SYT1: variants seen among roughly 807,000 people sequenced by gnomAD.
The protein encoded by SYT1 is synaptotagmin-1.
Under a neutral mutation model 44.8 loss-of-function variants are expected in SYT1, and 8 were observed. That is an observed-to-expected ratio of 0.18 (90% CI 0.10 to 0.32). The LOEUF is 0.32. Among genes scored for constraint, SYT1 ranks in the 10% least tolerant of loss-of-function variants. The pLI is 1.00. For missense variants in SYT1, 286 were observed against 509.3 expected (o/e 0.56, Z 4.22); for synonymous variants, 154 against 188.8 (o/e 0.82, Z 1.51).
intron 1 of SYT1, among the ~76,000 whole-genome samples, chr12:78,957,135 A>G: frequency 6.6e-6 from 1 of 152,248 alleles, no homozygotes; most frequent in African/African-American, 2.4e-5. Context: ...ATCAATTGTC[A>G]ATTTACCGGA....
chr12:79,446,994 C>T (rs1406368223), intron 10 of SYT1, among the ~76,000 whole-genome samples: 3 of 152,048 alleles, frequency 2.0e-5, no homozygotes, highest in African/African-American at 7.2e-5. Flanking sequence ...AATAAATATC[C>T]TTTTCAACTA....
chr12:79,297,986 A>T (rs1467443651), intron 7 of SYT1, among the ~76,000 whole-genome samples: 1 of 152,106 alleles, frequency 6.6e-6, no homozygotes, highest in African/African-American at 2.4e-5. Context: ...TTCATCCCTA[A>T]AATAGCCCCA....
intron 1 of SYT1, among the ~76,000 whole-genome samples, chr12:78,971,163 C>T (rs1412239511): frequency 6.6e-6 from 1 of 152,124 alleles, no homozygotes; most frequent in Non-Finnish European, 1.5e-5. Flanking sequence ...GACTATGTCA[C>T]TGTTCAATAG....
At chr12:79,444,672 C>G (rs1454215305) in intron 10 of SYT1, among the ~76,000 whole-genome samples, 1 of 151,968 alleles carries the variant, frequency 6.6e-6, no homozygotes, top group Non-Finnish European at 1.5e-5. Flanking sequence ...AAAAATTAGG[C>G]TAAGTTGTGT....
chr12:79,346,247 C>T (rs1384130415), intron 8 of SYT1, among the ~76,000 whole-genome samples: 1 of 152,096 alleles, frequency 6.6e-6, no homozygotes, highest in Non-Finnish European at 1.5e-5. Context: ...ATCTATAATG[C>T]TTTTCAAAAA....
At chr12:79,125,224 T>C (rs1868364527) in intron 3 of SYT1, among the ~76,000 whole-genome samples, 1 of 152,162 alleles carries the variant, frequency 6.6e-6, no homozygotes, top group South Asian at 2.1e-4. Context: ...TTAAAAACTG[T>C]GCAAATGGAA....
intron 3 of SYT1, among the ~76,000 whole-genome samples, chr12:79,158,666 G>A (rs1421806816): frequency 6.6e-6 from 1 of 152,136 alleles, no homozygotes; most frequent in African/African-American, 2.4e-5. Flanking sequence ...AGGAGGCTGA[G>A]TCAGGTGGAT....
intron 3 of SYT1, among the ~76,000 whole-genome samples, chr12:79,115,064 TTC>T (rs1879206039): frequency 6.6e-6 from 1 of 152,210 alleles, no homozygotes; most frequent in African/African-American, 2.4e-5. Flanking sequence ...GCTGCAATTA[TTC>T]TGTTATGCCT....
intron 9 of SYT1, 137 bp downstream of exon 9, chr12:79,353,756 GAATTCATCCCAACACAGT>G (rs1883003588): frequency 1.4e-6 from 1 of 700,602 alleles, no homozygotes; most frequent in African/African-American, 1.8e-5. Flanking sequence ...AGCAGTCTCA[GAATTCATCCCAACACAGT>G]GCCCCAGGAA....
intron 3 of SYT1, among the ~76,000 whole-genome samples, chr12:79,209,957 G>A (rs1464699641): frequency 2.0e-5 from 3 of 151,686 alleles, no homozygotes; most frequent in South Asian, 2.1e-4. Context: ...ATATTTTTTC[G>A]ACCTCCTCCT....
intron 8 of SYT1, among the ~76,000 whole-genome samples, chr12:79,337,125 A>G (rs1453776950): frequency 6.6e-6 from 1 of 151,868 alleles, no homozygotes; most frequent in Non-Finnish European, 1.5e-5. Context: ...TGCCATCCTC[A>G]CTGATAGGTA....
chr12:78,910,324 T>G (rs1876244570), intron 1 of SYT1, among the ~76,000 whole-genome samples: 1 of 151,958 alleles, frequency 6.6e-6, no homozygotes, highest in African/African-American at 2.4e-5. Flanking sequence ...TGCCTAGTTC[T>G]TATAGTTCCT....
At position 79,285,933 on chromosome 12, in the gene SYT1, A is replaced by G; in HGVS notation, c.313A>G (p.Lys105Glu). 6.2e-7 allele frequency: 1 copy of G among 1,612,866 alleles called. No individual in the cohort carries two copies. The highest frequency in any genetic ancestry group is 1.1e-5 in the South Asian group (1 of 90,732). Residue 105 changes from lysine to glutamate, a missense_variant, in exon 5 of 11, where the codon AAA (lysine) becomes GAA (glutamate). Physicochemically the swap from Lys to Glu is moderately conservative, Grantham distance 56 (BLOSUM62 1). This residue lies in a region of SYT1 where 141 missense variants were observed against 165.7 expected (regional missense o/e 0.85). Transcript: ENST00000261205. ...AGGAGGGAAGAATGCCATTAACATG[A>G]AAGATGTAAAAGACTTAGGGAAGAC... ...EKGGKNAINMKDVKDLGKTMK... is the reference protein window; with the variant it reads ...EKGGKNAINMEDVKDLGKTMK...
intron 4 of SYT1, among the ~76,000 whole-genome samples, chr12:79,267,493 A>G (rs10861755): frequency 0.31 from 46,408 of 152,048 alleles, 7,495 homozygotes; most frequent in East Asian, 0.58. Context: ...TAAAAGTTGA[A>G]AAGAAAGTTA....
At chr12:79,353,737 G>C in intron 9 of SYT1, 118 bp downstream of exon 9, 3 of 774,416 alleles carry the variant, frequency 3.9e-6, no homozygotes, top group Non-Finnish European at 6.8e-6. Flanking sequence ...CTTTCCTATG[G>C]AGCCTGGAAG....
In SYT1 at chr12:79,048,714, G is replaced by T. The variant is rs1343290437; in HGVS notation, c.-18+1352G>T. On this transcript the variant is annotated intron_variant, in intron 3 of 10. Coordinates refer to ENST00000261205, the MANE Select transcript of SYT1 (RefSeq NM_005639.3). ...TTTGAGTATTCAGAGCAGGTTACGG[G>T]CATGTTTACATAGTTCTGGGTACAG... Among the ~76,000 whole-genome samples, 4 of 151,830 alleles carry T rather than the reference G, an allele frequency of 2.6e-5. No individual in the cohort carries two copies. In the South Asian group the frequency reaches 8.3e-4, roughly 31 times the overall value.
In SYT1 at chr12:79,154,470, T is replaced by C. The variant is rs185330255; in HGVS notation, c.-17-63033T>C. On this transcript the variant is annotated intron_variant, in intron 3 of 10. Coordinates refer to ENST00000261205, the MANE Select transcript of SYT1 (RefSeq NM_005639.3). ...GAAGTTAAATACCTTGACAAGGTCA[T>C]ACAGCTTGTAAGTTTTGGAGCTAGA... Among the ~76,000 whole-genome samples, 30 of 151,982 alleles carry C rather than the reference T, an allele frequency of 2.0e-4. No homozygotes were observed. The East Asian group carries it at 5.8e-3, about 29-fold the overall frequency.
At chr12:79,202,844 T>C (rs902659217) in intron 3 of SYT1, among the ~76,000 whole-genome samples, 2 of 152,190 alleles carry the variant, frequency 1.3e-5, no homozygotes, top group Non-Finnish European at 2.9e-5. Context: ...GCAAAACTAA[T>C]TTTCTTATAA....
chr12:79,030,861 C>G (rs562342163), intron 2 of SYT1, among the ~76,000 whole-genome samples: 1 of 150,938 alleles, frequency 6.6e-6, no homozygotes, highest in Admixed American at 6.6e-5. Context: ...AGAAGTATAC[C>G]TACATTGTCT....
Sources: gnomAD v4.1 joint callset for allele counts (sites outside exome capture counted in the v4.1 genomes callset) on GRCh38, gnomAD v4.1.1 for gene constraint, gnomAD v4.1.1 regional missense constraint, MANE v1.5 for transcripts, NCBI Gene and HGNC (gene_info 2026-07-23, HGNC 2026-07-21) for gene names.